Variants in DNAJC5B observed in about 807,000 individuals in gnomAD.
DNAJC5B encodes the protein dnaJ homolog subfamily C member 5B.
Under a neutral mutation model 24.7 loss-of-function variants are expected in DNAJC5B, and 23 were observed. The ratio of observed to expected loss-of-function variants is 0.93; its 90% CI spans 0.67 to 1.32. The LOEUF is 1.32. Among genes scored for constraint, DNAJC5B ranks in the 40% most tolerant of loss-of-function variants. The probability of loss-of-function intolerance (pLI) is 0.00; values close to 1 mark genes in which losing one functional copy is unlikely to be tolerated. For synonymous variants in DNAJC5B, 101 were observed against 90.1 expected (o/e 1.12, Z -0.68); for missense variants, 238 against 240.8 (o/e 0.99, Z 0.08).
At chr8:66,020,745 A>AGC (rs1806098117), upstream of DNAJC5B, among the ~76,000 whole-genome samples, 2 of 151,918 alleles carry the variant, frequency 1.3e-5, no homozygotes, top group African/African-American at 2.4e-5. Flanking sequence ...TTAAGCGATC[A>AGC]TCCCCTGTCA....
At chr8:66,059,529 A>AT (rs1348435996) in intron 3 of DNAJC5B, among the ~76,000 whole-genome samples, 1 of 152,172 alleles carries the variant, frequency 6.6e-6, no homozygotes, top group Non-Finnish European at 1.5e-5. Context: ...TGATTGAACA[A>AT]TTGGGGAGAT....
chr8:66,042,382 T>C (rs181093185), intron 1 of DNAJC5B, among the ~76,000 whole-genome samples: 1 of 152,342 alleles, frequency 6.6e-6, no homozygotes, highest in African/African-American at 2.4e-5. Flanking sequence ...GAGTGATTCA[T>C]TGTGCAAAAA....
upstream of DNAJC5B, among the ~76,000 whole-genome samples, chr8:66,020,612 G>A (rs1806090070): frequency 2.3e-5 from 2 of 87,530 alleles, no homozygotes; most frequent in Non-Finnish European, 4.0e-5. Flanking sequence ...GTGTGTGTGT[G>A]TGTGTGTGTG....
chr8:66,057,838 G>C (rs987855125), intron 3 of DNAJC5B: 1 of 152,306 alleles, frequency 6.6e-6, no homozygotes, highest in South Asian at 2.1e-4. Context: ...TATATTTCAC[G>C]AGTGAATGGG....
chr8:66,038,681 AC>A (rs1194866772), intron 1 of DNAJC5B, among the ~76,000 whole-genome samples: 2 of 152,144 alleles, frequency 1.3e-5, no homozygotes, highest in Non-Finnish European at 2.9e-5. Flanking sequence ...TTTGTTTTCT[AC>A]CTTTTTTTAA....
intron 5 of DNAJC5B, among the ~76,000 whole-genome samples, chr8:66,086,471 G>A (rs1807726068): frequency 6.6e-6 from 1 of 152,114 alleles, no homozygotes; most frequent in South Asian, 2.1e-4. Context: ...CAAGTTTGAT[G>A]ACTTTTGCCA....
intron 2 of DNAJC5B, 101 bp downstream of exon 2, chr8:66,043,712 A>T (rs1048146467): frequency 7.9e-5 from 12 of 152,166 alleles, no homozygotes; most frequent in Non-Finnish European, 1.8e-4. Flanking sequence ...GCGGACACAG[A>T]ATCGGGGTTC....
intron 1 of DNAJC5B, among the ~76,000 whole-genome samples, chr8:66,026,690 G>A (rs1041353075): frequency 2.0e-5 from 3 of 152,256 alleles, no homozygotes; most frequent in Middle Eastern, 3.2e-3. Context: ...GTGGAGGAAT[G>A]TGACCCAGAG....
chr8:66,051,918 A>C (rs1806856007), intron 3 of DNAJC5B, among the ~76,000 whole-genome samples: 1 of 152,104 alleles, frequency 6.6e-6, no homozygotes, highest in Non-Finnish European at 1.5e-5. Flanking sequence ...AGAGAGAGAG[A>C]AAGACAGAGA....
At chr8:66,043,017 G>A (rs754742772) in intron 1 of DNAJC5B, among the ~76,000 whole-genome samples, 2 of 152,024 alleles carry the variant, frequency 1.3e-5, no homozygotes, top group Non-Finnish European at 2.9e-5. Context: ...GTTGTCTCAC[G>A]AGACTTTTTA....
upstream of DNAJC5B, among the ~76,000 whole-genome samples, chr8:66,018,000 G>A (rs1174569872): frequency 2.0e-5 from 3 of 152,032 alleles, no homozygotes; most frequent in African/African-American, 7.3e-5. Context: ...CCATTTCCTA[G>A]GCCTTTGGAA....
At chr8:66,030,719 C>G (rs1009391597) in intron 1 of DNAJC5B, among the ~76,000 whole-genome samples, 1 of 152,134 alleles carries the variant, frequency 6.6e-6, no homozygotes, top group African/African-American at 2.4e-5. Context: ...TCACTGCAAC[C>G]TCTGCCTCCC....
intron 3 of DNAJC5B, among the ~76,000 whole-genome samples, chr8:66,076,092 G>T (rs1807455270): frequency 6.6e-6 from 1 of 152,170 alleles, no homozygotes; most frequent in African/African-American, 2.4e-5. Context: ...TTTAGAAAGA[G>T]GCCAAATATG....
At chr8:66,062,553 C>A (rs76121923) in intron 3 of DNAJC5B, among the ~76,000 whole-genome samples, 2,388 of 152,278 alleles carry the variant, frequency 0.016, 54 homozygotes, top group African/African-American at 0.054. Flanking sequence ...GATTAAGATG[C>A]CCCAAAGTGA....
intron 1 of DNAJC5B, among the ~76,000 whole-genome samples, chr8:66,027,598 C>T (rs530580953): frequency 5.3e-5 from 8 of 152,246 alleles, no homozygotes; most frequent in African/African-American, 7.2e-5. Context: ...GGAAAACAGA[C>T]GTTTTAGCCA....
At chr8:66,062,766 G>T (rs1031008544) in intron 3 of DNAJC5B, among the ~76,000 whole-genome samples, 7 of 152,238 alleles carry the variant, frequency 4.6e-5, no homozygotes, top group African/African-American at 1.7e-4. Context: ...GTTTGAGGCT[G>T]CAGTGAGCTA....
At chr8:66,060,826 A>G (rs1260779424) in intron 3 of DNAJC5B, among the ~76,000 whole-genome samples, 1 of 152,230 alleles carries the variant, frequency 6.6e-6, no homozygotes, top group Non-Finnish European at 1.5e-5. Context: ...ACGAATATGT[A>G]TTGAGCACCG....
intron 5 of DNAJC5B, among the ~76,000 whole-genome samples, chr8:66,090,709 A>G (rs1463542918): frequency 6.6e-6 from 1 of 152,118 alleles, no homozygotes; most frequent in Non-Finnish European, 1.5e-5. Flanking sequence ...TTCGGCCAAG[A>G]TATTGAGACA....
chr8:66,072,543 A>G (rs975195974), intron 3 of DNAJC5B, among the ~76,000 whole-genome samples: 1 of 152,222 alleles, frequency 6.6e-6, no homozygotes, highest in African/African-American at 2.4e-5. Flanking sequence ...ATCATACCAA[A>G]TATGTTCTCT....
Sources: gnomAD v4.1 joint callset for allele counts (sites outside exome capture counted in the v4.1 genomes callset) on GRCh38, gnomAD v4.1.1 for gene constraint, MANE v1.5 for transcripts, NCBI Gene and HGNC (gene_info 2026-07-23, HGNC 2026-07-21) for gene names.